Variants in BTBD16 observed in about 807,000 individuals in gnomAD.
The protein encoded by BTBD16 is BTB/POZ domain-containing protein 16.
Under a neutral mutation model 67.4 loss-of-function variants are expected in BTBD16, and 66 were observed. The observed-to-expected ratio is 0.98, with a 90% CI of 0.80 to 1.20. BTBD16 has a LOEUF of 1.20. Among genes scored for constraint, BTBD16 ranks in the 50% most tolerant of loss-of-function variants. The pLI is 0.00. For synonymous variants in BTBD16, 242 were observed against 236.4 expected (o/e 1.02, Z -0.22); for missense variants, 634 against 616.0 (o/e 1.03, Z -0.31).
chr10:122,317,373 T>C (rs2096427201), intron 10 of BTBD16, among the ~76,000 whole-genome samples: 1 of 151,572 alleles, frequency 6.6e-6, no homozygotes, highest in Non-Finnish European at 1.5e-5. Context: ...ACAGGCCGGG[T>C]GTGGTGGCTC....
chr10:122,274,859 AAAAC>A lies in BTBD16; in HGVS notation c.-42-177_-42-174del, dbSNP rs2096336993. Among the ~76,000 whole-genome samples the A allele has an allele frequency of 3.3e-5, 5 of 152,336 alleles. 1 individual carries two copies. The highest frequency in any genetic ancestry group is 3.3e-4 in the Admixed American group (5 of 15,312). On this transcript the variant is annotated intron_variant, in intron 1 of 15. Transcript: ENST00000260723. ...ATTCACCTGCTTACAAAAAAAACAA[AAAAC>A]AAAACCAAACAAAAAACCCCAGCAA...
chr10:122,335,589 G>A (rs529274554), intron 14 of BTBD16, among the ~76,000 whole-genome samples: 15 of 152,248 alleles, frequency 9.9e-5, no homozygotes, highest in Admixed American at 3.3e-4. Flanking sequence ...AAGGTAACAG[G>A]ACATACCTCA....
At chr10:122,325,928 G>A (rs1022177453) in intron 10 of BTBD16, among the ~76,000 whole-genome samples, 1 of 151,796 alleles carries the variant, frequency 6.6e-6, no homozygotes, top group African/African-American at 2.4e-5. Context: ...CACCCACCTC[G>A]GCCTCCCAAA....
chr10:122,297,552 A>G (rs993824822), intron 7 of BTBD16, among the ~76,000 whole-genome samples: 1 of 152,204 alleles, frequency 6.6e-6, no homozygotes, highest in Non-Finnish European at 1.5e-5. Flanking sequence ...TTTCTCCTGA[A>G]GGATTTGATT....
chr10:122,327,508 T>C, intron 10 of BTBD16: 6 of 817,146 alleles, frequency 7.3e-6, no homozygotes, highest in Non-Finnish European at 8.9e-6. Flanking sequence ...AGTGAAGCTC[T>C]GAGAGGCCCG....
Position 122,338,003 on chromosome 10 carries a change from T to C in BTBD16, c.1453-14T>C, listed in dbSNP as rs763230133. Reference sequence around the variant, plus strand: ...CTAAAAGTCACATTCACTTTGTTTTTTTTCATGTTTTAGACCTTGAAAATC... The same window carrying C: ...CTAAAAGTCACATTCACTTTGTTTTCTTTCATGTTTTAGACCTTGAAAATC... On this transcript the variant is annotated splice_polypyrimidine_tract_variant and intron_variant, in intron 15 of 15. Transcript: ENST00000260723. The C allele has an allele frequency of 4.4e-6, 7 of 1,605,216 alleles. No homozygotes were observed. The highest frequency in any genetic ancestry group is 6.0e-6 in the Non-Finnish European group (7 of 1,172,940).
intron 3 of BTBD16, among the ~76,000 whole-genome samples, chr10:122,277,953 C>T (rs958207871): frequency 1.8e-4 from 28 of 152,344 alleles, no homozygotes; most frequent in African/African-American, 6.5e-4. Context: ...CTTGTGAGCT[C>T]ACAGCCAAAT....
In BTBD16 at chr10:122,331,163, C is replaced by G. The variant is rs200375277; in HGVS notation, c.1004-13C>G. On this transcript the variant is annotated splice_polypyrimidine_tract_variant and intron_variant, in intron 11 of 15. Coordinates refer to ENST00000260723, the MANE Select transcript of BTBD16 (RefSeq NM_144587.5). The stretch of plus-strand genomic sequence containing the variant: ...ATAAAACTAAAAAACATTCTCTTTG[C>G]GTTTCTTCCCAGGCAAGGATCTGGA... 3.0e-4 allele frequency: 478 copies of G among 1,606,214 alleles called. 1 individual carries two copies. The highest frequency in any genetic ancestry group is 3.7e-4 in the Non-Finnish European group (430 of 1,177,880).
At chr10:122,299,413 T>G (rs2096389860) in intron 9 of BTBD16, among the ~76,000 whole-genome samples, 1 of 152,122 alleles carries the variant, frequency 6.6e-6, no homozygotes, top group Admixed American at 6.5e-5. Context: ...CTTAATTACC[T>G]AAGTAATTTT....
chr10:122,325,149 G>T (rs915014709), intron 10 of BTBD16, among the ~76,000 whole-genome samples: 3 of 152,212 alleles, frequency 2.0e-5, no homozygotes, highest in African/African-American at 7.2e-5. Context: ...GGCCCTACTG[G>T]CCTAGAAGAT....
chr10:122,336,546 A>C lies in BTBD16; in HGVS notation c.1316A>C (p.His439Pro), dbSNP rs1048347. The change falls in exon 15 of 16, where the codon CAC (histidine) becomes CCC (proline). Residue 439 changes from histidine (H) to proline (P), a missense_variant. Coordinates refer to ENST00000260723, the MANE Select transcript of BTBD16 (RefSeq NM_144587.5). ...CCCTCTGCGGTCTACGAGCACAACC[A>C]CGTCAGCCTGCGAGCGGCACGCCTG... Reference protein sequence around the residue: ...ESPSAVYEHNHVSLRAARLVK... With the variant: ...ESPSAVYEHNPVSLRAARLVK... 554,678 of 1,608,328 alleles carry C rather than the reference A, an allele frequency of 0.34. 102,119 individuals are homozygous for C. Among genetic ancestry groups the C allele is most frequent in the East Asian group, 0.73 (32,779 of 44,692 alleles).
At chr10:122,303,050 T>C (rs1332911965) in intron 9 of BTBD16, among the ~76,000 whole-genome samples, 1 of 152,206 alleles carries the variant, frequency 6.6e-6, no homozygotes, top group Non-Finnish European at 1.5e-5. Context: ...TATCTCCTTG[T>C]AGTTTCTGAA....
At chr10:122,281,082 C>T (rs2096352037) in intron 3 of BTBD16, among the ~76,000 whole-genome samples, 1 of 152,154 alleles carries the variant, frequency 6.6e-6, no homozygotes, top group Admixed American at 6.5e-5. Flanking sequence ...ATTGGGATTA[C>T]AGGCATGAGC....
chr10:122,281,417 C>G (rs1173307055), intron 3 of BTBD16, among the ~76,000 whole-genome samples: 2 of 151,764 alleles, frequency 1.3e-5, no homozygotes, highest in African/African-American at 4.8e-5. Flanking sequence ...GAGATGAGGT[C>G]TCGCGCAGTT....
In BTBD16 at chr10:122,307,297, A is replaced by T. The variant is rs1564993476; in HGVS notation, c.900A>T (p.Thr300=). ...TTCCGACTTATGAAACCGTGATGACATTTTTTAAGAGGTAATATAACTTAG... is the reference window on the plus strand; with the variant it reads ...TTCCGACTTATGAAACCGTGATGACTTTTTTTAAGAGGTAATATAACTTAG... ...QAIPTYETVM[T]FFKSFPENCC... The change falls in exon 10 of 16, where the codon ACA becomes ACT. Residue 300 remains threonine (T), a synonymous_variant. Transcript: ENST00000260723. The T allele has an allele frequency of 6.2e-7, 1 of 1,605,070 alleles. No individual in the cohort carries two copies. The highest frequency in any genetic ancestry group is 1.7e-5 in the Admixed American group (1 of 57,822).
At chr10:122,307,981 GT>G (rs1239153727) in intron 10 of BTBD16, among the ~76,000 whole-genome samples, 1 of 152,222 alleles carries the variant, frequency 6.6e-6, no homozygotes, top group Non-Finnish European at 1.5e-5. Flanking sequence ...GCAGCATTCA[GT>G]GTCGGAATTA....
At chr10:122,272,994 C>G (rs997959630) in intron 1 of BTBD16, among the ~76,000 whole-genome samples, 1 of 151,244 alleles carries the variant, frequency 6.6e-6, no homozygotes, top group Non-Finnish European at 1.5e-5. Context: ...GAATCTGAAA[C>G]CATCTGACAC....
chr10:122,323,591 A>G (rs1192253249), intron 10 of BTBD16, among the ~76,000 whole-genome samples: 1 of 152,228 alleles, frequency 6.6e-6, no homozygotes, highest in Non-Finnish European at 1.5e-5. Context: ...ACCCTTCTGC[A>G]GGAGGATAGT....
At chr10:122,280,670 T>C (rs561359186) in intron 3 of BTBD16, among the ~76,000 whole-genome samples, 1 of 152,064 alleles carries the variant, frequency 6.6e-6, no homozygotes, top group African/African-American at 2.4e-5. Flanking sequence ...ATGACCCACG[T>C]TAACCTAAAT....
Sources: allele counts gnomAD v4.1 joint callset (sites outside exome capture counted in the v4.1 genomes callset), GRCh38; gene constraint gnomAD v4.1.1; transcripts MANE v1.5; gene names NCBI Gene and HGNC (gene_info 2026-07-23, HGNC 2026-07-21).